The following LIPN variants were observed in gnomAD, a reference collection of about 807,000 sequenced individuals.
The protein encoded by LIPN is lipase member N.
LIPN carries 32 observed loss-of-function variants against 43.7 expected under a neutral mutation model. The observed-to-expected ratio is 0.73, with a 90% confidence interval of 0.55 to 0.98. The LOEUF is 0.98. LIPN is among the 50% of genes least tolerant of loss of function. The probability of loss-of-function intolerance (pLI) is 0.00; values close to 1 mark genes in which losing one functional copy is unlikely to be tolerated. For missense variants in LIPN, 505 were observed against 483.8 expected, an observed-to-expected ratio of 1.04 and a Z score of -0.41; for synonymous variants, 156 against 157.6, an observed-to-expected ratio of 0.99 and a Z score of 0.08.
At chr10:88,777,083 T>G (rs540627163) in intron 9 of LIPN, among the ~76,000 whole-genome samples, 1 of 152,276 alleles carries the variant, frequency 6.6e-6, no homozygotes, top group East Asian at 1.9e-4. Context: ...CTTCATCTTT[T>G]TATCATAGCT....
At chr10:88,776,703 C>T (rs1179326032) in intron 9 of LIPN, among the ~76,000 whole-genome samples, 1 of 152,040 alleles carries the variant, frequency 6.6e-6, no homozygotes, top group Non-Finnish European at 1.5e-5. Context: ...TTTTGTTCAC[C>T]AGTGTTTTCT....
rs374778542 is a variant in LIPN at position 88,775,001 on chromosome 10, C to T, written c.892-91C>T. 26 of 769,964 alleles carry T rather than the reference C, an allele frequency of 3.4e-5. 1 individual carries two copies. The highest frequency in any genetic ancestry group is 3.3e-4 in the South Asian group (19 of 57,622). 47.7% of individuals were successfully genotyped at this position (769,964 alleles called of 1,614,324 possible). A position where few individuals can be genotyped will look rare whatever the true frequency, so the allele number is the denominator to read the frequency against. On this transcript the variant is annotated intron_variant, in intron 8 of 9. Coordinates refer to ENST00000404459, the MANE Select transcript of LIPN (RefSeq NM_001102469.2). ...TCTGGTGATCTAGGAGCCCTATTTT[C>T]GTCCTAGCATACAGCATTTTTCTAA...
rs768254217 is a variant in LIPN, at chr10:88,764,514, G to T, written c.331G>T (p.Gly111Cys). 6.2e-7 allele frequency: 1 copy of T among 1,612,200 alleles called. No homozygotes were observed. Among genetic ancestry groups the T allele is most frequent in the Admixed American group, 1.7e-5 (1 of 59,752 alleles). ...CCTTGGATTCCTTCTAGCAGATGCA[G>T]GTTATGATGTATGGATGGGAAACAG... ...GSLGFLLADA[G>C]YDVWMGNSRG... Residue 111 changes from glycine (G) to cysteine (C), a missense_variant, in exon 4 of 10, where the codon GGT (glycine) becomes TGT (cysteine). Coordinates refer to ENST00000404459, the MANE Select transcript of LIPN (RefSeq NM_001102469.2).
chr10:88,764,517 TA>T lies in LIPN; in HGVS notation c.335del (p.Tyr112LeufsTer43). 1 of 1,612,292 alleles carries T rather than the reference TA, an allele frequency of 6.2e-7. No homozygotes were observed. The highest frequency in any genetic ancestry group is 2.2e-5 in the East Asian group (1 of 44,802). ...TGGATTCCTTCTAGCAGATGCAGGT[TA>T]TGATGTATGGATGGGAAACAGTCGG... ...SLGFLLADAG[Y>X]DVWMGNSRGN... On this transcript the variant is annotated frameshift_variant, in exon 4 of 10. Coordinates refer to ENST00000404459, the MANE Select transcript of LIPN (RefSeq NM_001102469.2). LOFTEE classifies it high-confidence loss of function.
intron 9 of LIPN, 111 bp from the exon 10 acceptor site, chr10:88,777,898 T>G (rs949556672): frequency 4.8e-6 from 3 of 629,284 alleles, no homozygotes; most frequent in Non-Finnish European, 8.4e-6. Flanking sequence ...TCTTCATATG[T>G]TGCTGGTGCC....
chr10:88,757,592 G>A (rs1842942048), upstream of LIPN, among the ~76,000 whole-genome samples: 1 of 152,008 alleles, frequency 6.6e-6, no homozygotes, highest in Admixed American at 6.6e-5. Context: ...TTTTAAAGAT[G>A]GATGTAGTAT....
At position 88,778,011 on chromosome 10, in the gene LIPN, T is replaced by A. The variant is rs760409265; in HGVS notation, c.966T>A (p.Ser322Arg). ...TGCCCTTGCTTTCTCTCCCACAGAGTCATCCCCCTATATATGACCTGACTG... is the reference window on the plus strand; with the variant it reads ...TGCCCTTGCTTTCTCTCCCACAGAGACATCCCCCTATATATGACCTGACTG... ...DADNMKHYNQ[S>R]HPPIYDLTAM... Residue 322 changes from serine (S) to arginine (R), a missense_variant and splice_region_variant, in exon 10 of 10, where the codon AGT becomes AGA. Transcript: ENST00000404459. The A allele has an allele frequency of 1.1e-5, 17 of 1,605,346 alleles. No individual in the cohort carries two copies. In the Admixed American group the frequency reaches 2.7e-4, roughly 25 times the overall value.
chr10:88,762,331 G>T (rs1331902824), intron 3 of LIPN, 26 bp downstream of exon 3: 4 of 1,409,160 alleles, frequency 2.8e-6, no homozygotes, highest in East Asian at 2.3e-5. Flanking sequence ...CTCCTGAAAA[G>T]GGGACTGCAT....
At chr10:88,777,334 ACT>A (rs1261996410) in intron 9 of LIPN, among the ~76,000 whole-genome samples, 4 of 150,566 alleles carry the variant, frequency 2.7e-5, no homozygotes, top group Admixed American at 2.0e-4. Flanking sequence ...ATTCTTCAAA[ACT>A]CTCTTTCTTC....
chr10:88,774,642 A>G, intron 8 of LIPN, 98 bp downstream of exon 8: 2 of 965,392 alleles, frequency 2.1e-6, no homozygotes, highest in Non-Finnish European at 1.6e-6. Context: ...TAAGAATCTT[A>G]AGAGCTTGCT....
chr10:88,770,938 T>C lies in LIPN; in HGVS notation c.766T>C (p.Cys256Arg), dbSNP rs751215212. The C allele has an allele frequency of 1.2e-5, 19 of 1,564,378 alleles. No homozygotes were observed. Among genetic ancestry groups the C allele is most frequent in the Admixed American group, 1.9e-5 (1 of 53,288 alleles). Residue 256 changes from cysteine to arginine, a missense_variant, in exon 7 of 10, where the codon TGT becomes CGT. By Grantham distance (180) the Cys-to-Arg change is radical (BLOSUM62 -3). Transcript: ENST00000404459. ...ICNNKILWLI[C>R]SEFMSLWAGS... ...CAACAATAAGATACTCTGGTTGATA[T>C]GTAGCGAATTTATGTCCTTATGGGC... is the stretch of plus-strand genomic sequence containing the variant.
intron 2 of LIPN, 142 bp from the exon 3 acceptor site, chr10:88,762,046 C>T (rs2134826029): frequency 4.0e-6 from 2 of 495,796 alleles, no homozygotes; most frequent in East Asian, 3.0e-5. Context: ...TGTATTAAGA[C>T]TTTATTTATT....
At chr10:88,777,674 C>A (rs942627604) in intron 9 of LIPN, among the ~76,000 whole-genome samples, 2 of 152,054 alleles carry the variant, frequency 1.3e-5, no homozygotes, top group Non-Finnish European at 2.9e-5. Context: ...TCCCACTCAC[C>A]CTCATCTCTG....
chr10:88,775,063 A>C, intron 8 of LIPN, 29 bp from the exon 9 acceptor site: 30 of 1,459,702 alleles, frequency 2.1e-5, no homozygotes, highest in Non-Finnish European at 2.8e-5. Flanking sequence ...TACCCTAACT[A>C]TTCTTTTTCT....
chr10:88,759,155 A>G (rs1304398121), upstream of LIPN, among the ~76,000 whole-genome samples: 1 of 152,166 alleles, frequency 6.6e-6, no homozygotes. Flanking sequence ...TTTAATTGGC[A>G]TGAAATTTCC....
chr10:88,777,975 C>T lies in LIPN; in HGVS notation c.964-34C>T, dbSNP rs303484. On this transcript the variant is annotated intron_variant, in intron 9 of 9. Coordinates refer to ENST00000404459, the MANE Select transcript of LIPN (RefSeq NM_001102469.2). ...TTGTAGTTATTGCTTTGAGGAGCTT[C>T]CTCTCATGAATGCCCTTGCTTTCTC... The T allele has an allele frequency of 0.19, 253,462 of 1,367,982 alleles. 25,133 individuals are homozygous for T. The highest frequency in any genetic ancestry group is 0.21 in the Non-Finnish European group (200,693 of 963,850). 84.7% of individuals were successfully genotyped at this position (1,367,982 alleles called of 1,614,324 possible). A position where few individuals can be genotyped will look rare whatever the true frequency, so the allele number is the denominator to read the frequency against.
At chr10:88,759,016 C>T (rs965494503), upstream of LIPN, among the ~76,000 whole-genome samples, 1 of 152,092 alleles carries the variant, frequency 6.6e-6, no homozygotes, top group Non-Finnish European at 1.5e-5. Flanking sequence ...AATCCACATA[C>T]CTATGCCATC....
chr10:88,761,566 A>G, intron 2 of LIPN, 53 bp downstream of exon 2: 1 of 1,259,310 alleles, frequency 7.9e-7, no homozygotes. Flanking sequence ...CTAATGGAGT[A>G]TGAGGTTACG....
intron 3 of LIPN, among the ~76,000 whole-genome samples, chr10:88,763,754 G>A (rs1843041613): frequency 6.6e-6 from 1 of 151,984 alleles, no homozygotes; most frequent in South Asian, 2.1e-4. Flanking sequence ...CTGGAAGTTG[G>A]CAGAGGGACA....
Sources: gnomAD v4.1 joint callset for allele counts (sites outside exome capture counted in the v4.1 genomes callset) on GRCh38, gnomAD v4.1.1 for gene constraint, MANE v1.5 for transcripts, NCBI Gene and HGNC (gene_info 2026-07-23, HGNC 2026-07-21) for gene names.